Variants in RIMBP2 observed in about 807,000 individuals in gnomAD.
The protein encoded by RIMBP2 is RIMS binding protein 2, also known as RIMS-binding protein 2.
A neutral mutation model predicts 118.6 loss-of-function variants in RIMBP2; 48 were observed. The observed-to-expected ratio is 0.40, with a 90% CI of 0.32 to 0.51. The LOEUF is 0.51. Among genes scored for constraint, RIMBP2 ranks in the 20% least tolerant of loss-of-function variants. RIMBP2 has a pLI of 0.41. For synonymous variants in RIMBP2, 762 were observed against 742.9 expected (o/e 1.03, Z -0.42); for missense variants, 1,551 against 1,768.3 (o/e 0.88, Z 2.20).
chr12:130,710,017 C>T lies in RIMBP2; in HGVS notation c.-352+6205G>A, dbSNP rs540746711. 2.6e-5 allele frequency among the ~76,000 whole-genome samples: 4 copies of T among 152,284 alleles called. No individual in the cohort carries two copies. The highest frequency in any genetic ancestry group is 7.2e-5 in the African/African-American group (3 of 41,564). On this transcript the variant is annotated intron_variant, in intron 1 of 22. Coordinates refer to ENST00000690449, the MANE Select transcript of RIMBP2 (RefSeq NM_001393629.1). The surrounding 1 kb of genome is among the most constrained non-coding windows in gnomAD (Gnocchi z 4.3). ...CCATGGATGGAAATGACAAAAAGTA[C>T]ACCACTGGCCCCCTGGTTTCCGGGT...
chr12:130,568,466 C>T (rs1472698825), intron 2 of RIMBP2, among the ~76,000 whole-genome samples: 2 of 152,216 alleles, frequency 1.3e-5, no homozygotes, highest in Non-Finnish European at 2.9e-5. Context: ...GGCCCTGGGG[C>T]CAGTCCCAGA....
At chr12:130,423,837 A>C (rs139121207) in intron 16 of RIMBP2, among the ~76,000 whole-genome samples, 99 of 152,248 alleles carry the variant, frequency 6.5e-4, no homozygotes, top group Middle Eastern at 3.4e-3. Flanking sequence ...AAACTTTCAG[A>C]TAATCACACT....
At chr12:130,462,701 C>T (rs868678826) in intron 6 of RIMBP2, among the ~76,000 whole-genome samples, 6 of 152,170 alleles carry the variant, frequency 3.9e-5, no homozygotes, top group African/African-American at 1.2e-4. Flanking sequence ...GTGCTTTCCC[C>T]GAATGAGCAT....
chr12:130,446,670 G>T lies in RIMBP2; in HGVS notation c.582-1401C>A, dbSNP rs79169736. ...AGCTCTGGAAGAAGGAATAGCATGC[G>T]CCAAGGCCCAGAGGCAGGGAGGAGA... On this transcript the variant is annotated intron_variant, in intron 9 of 22. Coordinates refer to ENST00000690449, the MANE Select transcript of RIMBP2 (RefSeq NM_001393629.1). The surrounding 1 kb of genome is among the most constrained non-coding windows in gnomAD (Gnocchi z 4.1). Among the ~76,000 whole-genome samples, 2,140 of 152,330 alleles carry T rather than the reference G, an allele frequency of 0.014. 51 individuals carry two copies. Among genetic ancestry groups the T allele is most frequent in the African/African-American group, 0.049 (2,033 of 41,576 alleles).
intron 15 of RIMBP2, chr12:130,426,954 G>A (rs12831680): frequency 0.16 from 24,951 of 152,280 alleles, 2,230 homozygotes; most frequent in East Asian, 0.3. Context: ...GGACCACTCC[G>A]CAAAGGCCAG....
At chr12:130,637,246 C>T (rs1228623221) in intron 1 of RIMBP2, among the ~76,000 whole-genome samples, 2 of 152,224 alleles carry the variant, frequency 1.3e-5, no homozygotes, top group East Asian at 3.8e-4. Context: ...CATCCCATCA[C>T]CATTTAAAAT....
intron 1 of RIMBP2, among the ~76,000 whole-genome samples, chr12:130,704,773 C>T (rs1180580229): frequency 6.6e-6 from 1 of 152,152 alleles, no homozygotes; most frequent in Non-Finnish European, 1.5e-5. Context: ...CAGAGAGCAC[C>T]TGCAAGACGG....
At chr12:130,641,898 G>T (rs2062639666) in intron 1 of RIMBP2, among the ~76,000 whole-genome samples, 1 of 152,122 alleles carries the variant, frequency 6.6e-6, no homozygotes. Context: ...CGAGGATGGG[G>T]TCATACCTCA....
In RIMBP2 at chr12:130,688,464, T is replaced by C. The variant is rs752002443; in HGVS notation, c.-352+27758A>G. Among the ~76,000 whole-genome samples the C allele has an allele frequency of 7.0e-4, 107 of 152,206 alleles. No individual in the cohort carries two copies. The highest frequency in any genetic ancestry group is 6.9e-4 in the Non-Finnish European group (47 of 68,042). ...GAAAGAGAAAGAGAAGTAATTGACA[T>C]TGAGTGAACATACACACCACTGTCC... On this transcript the variant is annotated intron_variant, in intron 1 of 22. Transcript: ENST00000690449. This position sits in a 1 kb window ranked among gnomAD's most constrained non-coding sequence, Gnocchi z 4.7.
In RIMBP2 at chr12:130,591,270, CAG is replaced by C. The variant is rs541806310; in HGVS notation, c.-217+37050_-217+37051del. On this transcript the variant is annotated intron_variant, in intron 2 of 22. Transcript: ENST00000690449. ...CAGATAGCCAGAACCACTTTCTGTA[CAG>C]AGTCATTATTTTTTTAGATCTTGCA... Among the ~76,000 whole-genome samples, 944 of 152,280 alleles carry C rather than the reference CAG, an allele frequency of 6.2e-3. 6 individuals are homozygous for C. Among genetic ancestry groups the C allele is most frequent in the Non-Finnish European group, 0.01 (699 of 68,022 alleles).
intron 2 of RIMBP2, among the ~76,000 whole-genome samples, chr12:130,604,177 G>GA (rs1435141354): frequency 1.3e-5 from 2 of 151,126 alleles, no homozygotes; most frequent in Non-Finnish European, 1.5e-5. Context: ...TTTTAAAATA[G>GA]AAAAAAATTC....
At chr12:130,536,301 G>A (rs2054080319) in intron 2 of RIMBP2, among the ~76,000 whole-genome samples, 1 of 152,100 alleles carries the variant, frequency 6.6e-6, no homozygotes, top group Non-Finnish European at 1.5e-5. Context: ...CTGGCCTCCT[G>A]AAATGCCCAT....
At position 130,675,771 on chromosome 12, in the gene RIMBP2, G is replaced by GT. The variant is rs1179443570; in HGVS notation, c.-352+40450_-352+40451insA. On this transcript the variant is annotated intron_variant, in intron 1 of 22. Coordinates refer to ENST00000690449, the MANE Select transcript of RIMBP2 (RefSeq NM_001393629.1). The stretch of plus-strand genomic sequence containing the variant: ...CAGCCAGTGTATTAAACAGCTGGGT[G>GT]GTTTCTTATGAAACTGCTGTGCTTA... 3.4e-4 allele frequency among the ~76,000 whole-genome samples: 52 copies of GT among 152,306 alleles called. 2 individuals carry two copies. The highest frequency in any genetic ancestry group is 1.2e-3 in the African/African-American group (51 of 41,564).
In RIMBP2 at chr12:130,511,784, G is replaced by A. The variant is rs551653678; in HGVS notation, c.-126-5014C>T. 2.4e-4 allele frequency among the ~76,000 whole-genome samples: 36 copies of A among 152,172 alleles called. No homozygotes were observed. Among genetic ancestry groups the A allele is most frequent in the African/African-American group, 8.7e-4 (36 of 41,528 alleles). On this transcript the variant is annotated intron_variant, in intron 3 of 22. Coordinates refer to ENST00000690449, the MANE Select transcript of RIMBP2 (RefSeq NM_001393629.1). This position sits in a 1 kb window ranked among gnomAD's most constrained non-coding sequence, Gnocchi z 4.3. Reference sequence around the variant, plus strand: ...CAGCCCCTCTTCCTCCCACCACAGTGGGGATGCGACCCTTCGAGATGGAAT... The same window carrying A: ...CAGCCCCTCTTCCTCCCACCACAGTAGGGATGCGACCCTTCGAGATGGAAT...
intron 1 of RIMBP2, among the ~76,000 whole-genome samples, chr12:130,685,137 C>A (rs534327350): frequency 6.6e-6 from 1 of 152,336 alleles, no homozygotes; most frequent in South Asian, 2.1e-4. Flanking sequence ...ATCTCCCCCA[C>A]ACCGGGGACA....
chr12:130,480,075 C>T (rs551348255), intron 4 of RIMBP2, among the ~76,000 whole-genome samples: 8 of 151,930 alleles, frequency 5.3e-5, no homozygotes, highest in South Asian at 4.2e-4. Flanking sequence ...ATGGCCACAG[C>T]GGGCGGGTGG....
At chr12:130,417,905 A>G (rs1386848200) in intron 17 of RIMBP2, among the ~76,000 whole-genome samples, 1 of 152,142 alleles carries the variant, frequency 6.6e-6, no homozygotes, top group East Asian at 1.9e-4. Context: ...TGGTCTGATC[A>G]TGGGAGGTGG....
Position 130,578,187 on chromosome 12 carries a change from A to C in RIMBP2, c.-217+50135T>G, listed in dbSNP as rs2058219271. Among the ~76,000 whole-genome samples the C allele has an allele frequency of 6.6e-6, 1 of 152,186 alleles. No homozygotes were observed. The highest frequency in any genetic ancestry group is 1.9e-4 in the East Asian group (1 of 5,190). On this transcript the variant is annotated intron_variant, in intron 2 of 22. Coordinates refer to ENST00000690449, the MANE Select transcript of RIMBP2 (RefSeq NM_001393629.1). The surrounding 1 kb of genome is among the most constrained non-coding windows in gnomAD (Gnocchi z 4.1). ...AGTGCAGGCTTGGAAGCTGATGAGG[A>C]GGCATGGGTCAGGGCCTGAGCTGGG...
chr12:130,677,627 CA>C (rs1049906457), intron 1 of RIMBP2, among the ~76,000 whole-genome samples: 1 of 151,272 alleles, frequency 6.6e-6, no homozygotes, highest in Admixed American at 6.6e-5. Context: ...AACACTGTCT[CA>C]AAAAAAACAA....
Sources: allele counts gnomAD v4.1 joint callset (sites outside exome capture counted in the v4.1 genomes callset), GRCh38; gene constraint gnomAD v4.1.1; non-coding constraint Gnocchi (gnomAD v3.1); transcripts MANE v1.5; gene names NCBI Gene and HGNC (gene_info 2026-07-23, HGNC 2026-07-21).